Variants in EML6 observed in about 807,000 individuals in gnomAD.
The protein encoded by EML6 is EMAP like 6.
EML6 carries 154 observed loss-of-function variants against 240.1 expected under a neutral mutation model. The ratio of observed to expected loss-of-function variants is 0.64; its 90% CI spans 0.56 to 0.73. The LOEUF (loss-of-function observed/expected upper bound fraction) is 0.73, where lower values mean the gene tolerates loss of function less well. Among genes scored for constraint, EML6 ranks in the 30% least tolerant of loss-of-function variants. EML6 has a pLI of 0.00. For missense variants in EML6, 2,964 were observed against 2,474.6 expected, an observed-to-expected ratio of 1.20 and a Z score of -4.20; for synonymous variants, 1,148 against 899.0, an observed-to-expected ratio of 1.28 and a Z score of -4.95.
Position 54,903,445 on chromosome 2 carries a change from G to A in EML6, c.3352G>A (p.Val1118Ile). ...TTACAACGTACTTACAAGCAAAAGG[G>A]TTGGCATCTGTAAAGGTGCTTCTAG... ...DIYNVLTSKR[V>I]GICKGASSYI... Residue 1118 changes from valine to isoleucine, a missense_variant, in exon 24 of 42, where the codon GTT becomes ATT. Coordinates refer to ENST00000356458, the MANE Select transcript of EML6 (RefSeq NM_001039753.4). 1 of 1,551,936 alleles carries A rather than the reference G, an allele frequency of 6.4e-7. No individual in the cohort carries two copies. The highest frequency in any genetic ancestry group is 8.7e-7 in the Non-Finnish European group (1 of 1,146,948).
At chr2:54,888,182 G>C (rs984356512) in intron 17 of EML6, among the ~76,000 whole-genome samples, 6 of 152,196 alleles carry the variant, frequency 3.9e-5, no homozygotes, top group Admixed American at 1.3e-4. Context: ...ATTCATAGCA[G>C]AGGGTAATGA....
chr2:54,806,318 A>G (rs1172829818), intron 2 of EML6, among the ~76,000 whole-genome samples: 1 of 151,988 alleles, frequency 6.6e-6, no homozygotes, highest in Non-Finnish European at 1.5e-5. Context: ...TCGGACTTAG[A>G]ATGTCTGTTC....
intron 21 of EML6, among the ~76,000 whole-genome samples, chr2:54,898,990 C>T (rs558504115): frequency 4.9e-4 from 75 of 152,310 alleles, no homozygotes; most frequent in African/African-American, 1.8e-3. Flanking sequence ...TGGTCCAGTG[C>T]TTATTAAGCA....
intron 2 of EML6, among the ~76,000 whole-genome samples, chr2:54,799,424 C>T (rs939880495): frequency 2.6e-5 from 4 of 151,864 alleles, no homozygotes; most frequent in African/African-American, 9.7e-5. Context: ...CCGTTCACTG[C>T]AACCTCTGAC....
chr2:54,890,611 G>C (rs1672414026), intron 17 of EML6, among the ~76,000 whole-genome samples: 1 of 152,112 alleles, frequency 6.6e-6, no homozygotes, highest in South Asian at 2.1e-4. Flanking sequence ...ATTTAACCCA[G>C]AGCAATGCTT....
chr2:54,727,615 G>C (rs1343367519), intron 2 of EML6, among the ~76,000 whole-genome samples: 1 of 152,096 alleles, frequency 6.6e-6, no homozygotes, highest in Admixed American at 6.5e-5. Context: ...TAAATGGAGA[G>C]GACTATAGCT....
Position 54,862,628 on chromosome 2 carries a change from T to G in EML6, c.1826-1155T>G, listed in dbSNP as rs145734856. 1.1e-4 allele frequency among the ~76,000 whole-genome samples: 17 copies of G among 152,006 alleles called. 1 individual carries two copies. In the East Asian group the frequency reaches 3.1e-3, roughly 28 times the overall value. On this transcript the variant is annotated intron_variant, in intron 12 of 41. Transcript: ENST00000356458. Reference sequence around the variant, plus strand: ...TTCAAGGAAATAATGGCAGAAAAATTCCCAAGCCTAGGAAAGAAAATAAAG... The same window carrying G: ...TTCAAGGAAATAATGGCAGAAAAATGCCCAAGCCTAGGAAAGAAAATAAAG...
intron 13 of EML6, among the ~76,000 whole-genome samples, chr2:54,864,887 C>G (rs897367542): frequency 6.6e-6 from 1 of 152,144 alleles, no homozygotes; most frequent in South Asian, 2.1e-4. Context: ...AAATTGTGTT[C>G]GTACCAAGAC....
intron 17 of EML6, among the ~76,000 whole-genome samples, chr2:54,887,830 C>T (rs1015229855): frequency 2.6e-5 from 4 of 152,162 alleles, no homozygotes; most frequent in African/African-American, 9.7e-5. Flanking sequence ...TTACCTCCTG[C>T]CTCCTCATAT....
In EML6 at chr2:54,829,460, C is replaced by T. The variant is rs543279662; in HGVS notation, c.830C>T (p.Thr277Ile). The T allele has an allele frequency of 3.3e-5, 51 of 1,551,380 alleles. No homozygotes were observed. The highest frequency in any genetic ancestry group is 1.7e-4 in the Middle Eastern group (1 of 5,996). Reference sequence around the variant, plus strand: ...ATAACCAAAATTGATCTCAGGGAGACAGAACAAGGATACAAAGGTAATATA... The same window carrying T: ...ATAACCAAAATTGATCTCAGGGAGATAGAACAAGGATACAAAGGTAATATA... ...KPITKIDLRE[T>I]EQGYKGLSIR... The change falls in exon 7 of 42, where the codon ACA (threonine) becomes ATA (isoleucine). Residue 277 changes from threonine to isoleucine, a missense_variant. Thr to Ile is a moderately conservative substitution (Grantham distance 89). Transcript: ENST00000356458.
At chr2:54,828,022 T>G (rs1668680746) in intron 6 of EML6, among the ~76,000 whole-genome samples, 2 of 152,244 alleles carry the variant, frequency 1.3e-5, no homozygotes, top group Non-Finnish European at 2.9e-5. Flanking sequence ...CTCATCAGAT[T>G]CATCTTATAG....
At chr2:54,797,163 T>TAAAAAAAAAAAAAAAAAAAAAAA (rs1669832391) in intron 2 of EML6, among the ~76,000 whole-genome samples, 1 of 19,720 alleles carries the variant, frequency 5.1e-5, no homozygotes, top group African/African-American at 2.8e-4. Context: ...AGACTCCATC[T>TAAAAAAAAAAAAAAAAAAAAAAA]CAAAAAAAAA....
At chr2:54,895,243 TTG>T (rs1672701032) in intron 20 of EML6, 28 bp from the exon 21 acceptor site, 1 of 1,549,444 alleles carries the variant, frequency 6.5e-7, no homozygotes, top group African/African-American at 1.4e-5. Context: ...GTTTTTGTTA[TTG>T]TGTTAAATAT....
At chr2:54,874,014 A>G (rs1671384932) in intron 16 of EML6, among the ~76,000 whole-genome samples, 1 of 152,360 alleles carries the variant, frequency 6.6e-6, no homozygotes, top group African/African-American at 2.4e-5. Context: ...AGTGGCAAGA[A>G]ATTTAGAGTA....
chr2:54,803,110 A>G (rs1439755597), intron 2 of EML6, among the ~76,000 whole-genome samples: 1 of 152,200 alleles, frequency 6.6e-6, no homozygotes, highest in Non-Finnish European at 1.5e-5. Context: ...TGGAAAGAGA[A>G]CAGAAGGGAG....
intron 28 of EML6, among the ~76,000 whole-genome samples, chr2:54,947,116 A>G (rs1675731934): frequency 6.6e-6 from 1 of 152,176 alleles, no homozygotes; most frequent in Non-Finnish European, 1.5e-5. Context: ...GCCATGCCAT[A>G]GTTCCAGTGT....
intron 11 of EML6, among the ~76,000 whole-genome samples, chr2:54,856,187 C>A (rs370084824): frequency 6.1e-4 from 93 of 152,314 alleles, no homozygotes; most frequent in African/African-American, 2.1e-3. Context: ...GTTTTCACAT[C>A]TTAAAATAAT....
At chr2:54,902,940 G>C (rs550746575) in intron 22 of EML6, 104 bp from the exon 23 acceptor site, 1 of 1,004,556 alleles carries the variant, frequency 1.0e-6, no homozygotes, top group Non-Finnish European at 1.5e-6. Flanking sequence ...AGGCAGTCAC[G>C]TGTCCATACA....
chr2:54,758,649 C>G (rs1044749797), intron 2 of EML6, among the ~76,000 whole-genome samples: 5 of 152,170 alleles, frequency 3.3e-5, no homozygotes, highest in African/African-American at 1.2e-4. Context: ...TTCCTTGTGA[C>G]TGATTCTGGA....
Sources: allele counts gnomAD v4.1 joint callset (sites outside exome capture counted in the v4.1 genomes callset), GRCh38; gene constraint gnomAD v4.1.1; transcripts MANE v1.5; gene names NCBI Gene and HGNC (gene_info 2026-07-23, HGNC 2026-07-21).